The following MANSC4 variants were observed in gnomAD, a reference collection of about 807,000 sequenced individuals.
MANSC4 encodes the protein MANSC domain containing 4.
In MANSC4, 11 loss-of-function variants were observed where a neutral mutation model predicts 11.4. The observed-to-expected ratio is 0.97, with a 90% CI of 0.61 to 1.60. The LOEUF (loss-of-function observed/expected upper bound fraction) is 1.60. Among genes scored for constraint, MANSC4 ranks in the 40% most tolerant of loss-of-function variants. MANSC4 has a pLI of 0.00. For synonymous variants in MANSC4, 123 were observed against 147.1 expected (o/e 0.84, Z 1.19); for missense variants, 354 against 404.6 (o/e 0.88, Z 1.07).
At chr12:27,767,052 T>G (rs1227113327) in intron 2 of MANSC4, among the ~76,000 whole-genome samples, 2 of 152,154 alleles carry the variant, frequency 1.3e-5, no homozygotes, top group South Asian at 4.2e-4. Flanking sequence ...CGATTACAGC[T>G]CACTGCAGCC....
At chr12:27,778,565 T>G (rs71452067) in intron 1 of MANSC4, among the ~76,000 whole-genome samples, 1 of 142,938 alleles carries the variant, frequency 7.0e-6, no homozygotes, top group East Asian at 2.0e-4. Flanking sequence ...CTTGTAATAA[T>G]AAAAAAAAAA....
chr12:27,776,107 A>AAAAT (rs2062119035), intron 1 of MANSC4, among the ~76,000 whole-genome samples: 1 of 151,352 alleles, frequency 6.6e-6, no homozygotes, highest in Admixed American at 6.6e-5. Context: ...AAAAAAAAAA[A>AAAAT]AGTATATTTT....
rs2062072518 is a variant in MANSC4, at chr12:27,766,383, G to A, written c.364+282C>T. 2.6e-5 allele frequency among the ~76,000 whole-genome samples: 4 copies of A among 152,076 alleles called. No individual in the cohort carries two copies. The South Asian group carries it at 8.3e-4, about 32-fold the overall frequency. On this transcript the variant is annotated intron_variant, in intron 3 of 3. Coordinates refer to ENST00000381273, the MANE Select transcript of MANSC4 (RefSeq NM_001146221.5). Reference sequence around the variant, plus strand: ...GCCTGGCCGAGAAATGCTTCCTTTGGCTTTGCTAAGAGTTCTTGAGATTCA... The same window carrying A: ...GCCTGGCCGAGAAATGCTTCCTTTGACTTTGCTAAGAGTTCTTGAGATTCA...
chr12:27,772,117 A>T (rs1446702499), intron 1 of MANSC4, among the ~76,000 whole-genome samples: 1 of 152,230 alleles, frequency 6.6e-6, no homozygotes, highest in Non-Finnish European at 1.5e-5. Flanking sequence ...ATTTCTAAAT[A>T]GTAATAAAAT....
chr12:27,774,261 G>A (rs2062111284), intron 1 of MANSC4, among the ~76,000 whole-genome samples: 1 of 152,016 alleles, frequency 6.6e-6, no homozygotes, highest in African/African-American at 2.4e-5. Context: ...TGAAGTAATA[G>A]CATAGCTTTA....
At chr12:27,766,202 G>C (rs573395237) in intron 3 of MANSC4, among the ~76,000 whole-genome samples, 10 of 151,950 alleles carry the variant, frequency 6.6e-5, no homozygotes, top group African/African-American at 2.4e-4. Context: ...TGAGTAGCTG[G>C]GACTACAGGT....
chr12:27,764,407 C>T (rs552565662), intron 3 of MANSC4, among the ~76,000 whole-genome samples: 11 of 152,244 alleles, frequency 7.2e-5, no homozygotes, highest in South Asian at 4.1e-4. Context: ...TTGATGCTGC[C>T]GGCCACCTTC....
intron 1 of MANSC4, among the ~76,000 whole-genome samples, chr12:27,773,762 A>G (rs1223044688): frequency 6.6e-6 from 1 of 152,250 alleles, no homozygotes; most frequent in African/African-American, 2.4e-5. Flanking sequence ...CTAGTTAACT[A>G]GAACCATTTA....
Position 27,763,211 on chromosome 12 carries a change from C to T in MANSC4, c.550G>A (p.Val184Ile). 7 of 1,551,698 alleles carry T rather than the reference C, an allele frequency of 4.5e-6. No individual in the cohort carries two copies. Among genetic ancestry groups the T allele is most frequent in the Non-Finnish European group, 6.1e-6 (7 of 1,147,008 alleles). ...PSSTTHQDLV[V>I]NTNSTSYSKE... ...GAATAACTGGTACTGTTTGTGTTTA[C>T]AACCAAATCTTGATGCGTGGTTGAG... The change falls in exon 4 of 4, where the codon GTA becomes ATA. Residue 184 changes from valine to isoleucine, a missense_variant. By Grantham distance (29) the Val-to-Ile change is conservative. Coordinates refer to ENST00000381273, the MANE Select transcript of MANSC4 (RefSeq NM_001146221.5).
At chr12:27,763,441 A>G in intron 3 of MANSC4, 45 bp from the exon 4 acceptor site, 1 of 1,488,812 alleles carries the variant, frequency 6.7e-7, no homozygotes, top group South Asian at 1.4e-5. Flanking sequence ...TTACTTTCAA[A>G]GCAAAAACCC....
intron 3 of MANSC4, among the ~76,000 whole-genome samples, chr12:27,763,976 G>T (rs190355239): frequency 1.3e-5 from 2 of 152,106 alleles, no homozygotes; most frequent in African/African-American, 2.4e-5. Flanking sequence ...CAAGCGATCC[G>T]CCCGCCTCGG....
chr12:27,768,408 A>AC (rs1361584985), intron 2 of MANSC4, among the ~76,000 whole-genome samples: 4 of 139,790 alleles, frequency 2.9e-5, no homozygotes, highest in African/African-American at 1.1e-4. Flanking sequence ...GTCTCAAAAA[A>AC]AAAAAAAAAA....
intron 3 of MANSC4, among the ~76,000 whole-genome samples, chr12:27,765,020 G>A (rs34344711): frequency 0.13 from 19,364 of 151,916 alleles, 1,426 homozygotes; most frequent in East Asian, 0.19. Flanking sequence ...TTTTTTTGTA[G>A]AGATGGGGGT....
At chr12:27,774,632 C>T (rs748764520) in intron 1 of MANSC4, among the ~76,000 whole-genome samples, 18 of 152,098 alleles carry the variant, frequency 1.2e-4, no homozygotes, top group Admixed American at 4.6e-4. Context: ...ATTTGTGATT[C>T]CAGAATAGGG....
At chr12:27,776,841 A>G (rs11049142) in intron 1 of MANSC4, among the ~76,000 whole-genome samples, 24,950 of 152,204 alleles carry the variant, frequency 0.16, 2,549 homozygotes, top group Non-Finnish European at 0.23. Context: ...GTACCACAAA[A>G]CTGGTTTTTA....
chr12:27,772,471 C>T (rs1185958786), intron 1 of MANSC4, among the ~76,000 whole-genome samples: 4 of 152,142 alleles, frequency 2.6e-5, no homozygotes, highest in Admixed American at 2.6e-4. Context: ...AATAGTCAAT[C>T]TAGTTATTAC....
intron 3 of MANSC4, among the ~76,000 whole-genome samples, chr12:27,765,118 T>C (rs921421003): frequency 6.6e-6 from 1 of 152,340 alleles, no homozygotes; most frequent in East Asian, 1.9e-4. Flanking sequence ...ATTACAGGCG[T>C]GAGCCACTGC....
chr12:27,773,007 C>A (rs1169080822), intron 1 of MANSC4, among the ~76,000 whole-genome samples: 1 of 152,164 alleles, frequency 6.6e-6, no homozygotes, highest in African/African-American at 2.4e-5. Context: ...CTTTTGCTGT[C>A]AGATTATATT....
intron 1 of MANSC4, among the ~76,000 whole-genome samples, chr12:27,774,986 T>C (rs1251601635): frequency 6.6e-6 from 1 of 151,990 alleles, no homozygotes; most frequent in Non-Finnish European, 1.5e-5. Flanking sequence ...ATCGCGCCAC[T>C]GCACTCCAGC....
Sources: gnomAD v4.1 joint callset for allele counts (sites outside exome capture counted in the v4.1 genomes callset) on GRCh38, gnomAD v4.1.1 for gene constraint, MANE v1.5 for transcripts, NCBI Gene and HGNC (gene_info 2026-07-23, HGNC 2026-07-21) for gene names.